Variants in GGPS1 observed in about 807,000 individuals in gnomAD.
GGPS1 encodes the protein geranylgeranyl pyrophosphate synthase.
GGPS1 carries 15 observed loss-of-function variants against 28.1 expected under a neutral mutation model. The ratio of observed to expected loss-of-function variants is 0.53; its 90% CI spans 0.36 to 0.82. The LOEUF (loss-of-function observed/expected upper bound fraction) is 0.82, where lower values mean the gene tolerates loss of function less well. Ranked by LOEUF, GGPS1 falls within the 40% of genes least tolerant of loss-of-function variation. The pLI is 0.01. For synonymous variants in GGPS1, 138 were observed against 122.4 expected, an observed-to-expected ratio of 1.13 and a Z score of -0.84; for missense variants, 284 against 348.3, an observed-to-expected ratio of 0.82 and a Z score of 1.47.
intron 1 of GGPS1, among the ~76,000 whole-genome samples, chr1:235,332,216 C>G (rs1675737881): frequency 6.6e-6 from 1 of 152,200 alleles, no homozygotes; most frequent in African/African-American, 2.4e-5. Context: ...CATCATCCAC[C>G]TCCTTCCCAC....
At chr1:235,341,401 C>T (rs1676043170) in intron 2 of GGPS1, among the ~76,000 whole-genome samples, 1 of 152,156 alleles carries the variant, frequency 6.6e-6, no homozygotes, top group South Asian at 2.1e-4. Context: ...AAAGCCCATC[C>T]TACTTTAAAA....
intron 2 of GGPS1, among the ~76,000 whole-genome samples, chr1:235,337,862 T>C (rs891919682): frequency 5.3e-5 from 8 of 151,996 alleles, no homozygotes; most frequent in African/African-American, 1.9e-4. Flanking sequence ...AAATTATTTT[T>C]ATTTTTAAAT....
intron 1 of GGPS1, among the ~76,000 whole-genome samples, chr1:235,334,615 C>CT: frequency 6.6e-6 from 1 of 152,334 alleles, no homozygotes; most frequent in South Asian, 2.1e-4. Flanking sequence ...AACCACTAAT[C>CT]TACTTTCTTT....
intron 1 of GGPS1, chr1:235,329,376 G>C (rs1384858291): frequency 6.6e-6 from 1 of 152,286 alleles, no homozygotes; most frequent in African/African-American, 2.4e-5. Flanking sequence ...TGCGCCTGGT[G>C]AGACGGACAG....
At chr1:235,340,197 T>C (rs114718090) in intron 2 of GGPS1, among the ~76,000 whole-genome samples, 6,989 of 152,206 alleles carry the variant, frequency 0.046, 531 homozygotes, top group African/African-American at 0.15. Flanking sequence ...TACTGTTGGG[T>C]GAAGTGACTC....
chr1:235,342,414 T>C lies in GGPS1; in HGVS notation c.545T>C (p.Leu182Pro). ...AAACCGCTACTTAATACACTTGGGC[T>C]CTTTTTCCAAATTAGGGATGATTAT... Reference protein sequence around the residue: ...DLKPLLNTLGLFFQIRDDYAN... With the variant: ...DLKPLLNTLGPFFQIRDDYAN... The change falls in exon 4 of 4, where the codon CTC becomes CCC. Residue 182 changes from leucine to proline, a missense_variant. Physicochemically the swap from Leu to Pro is moderately conservative, Grantham distance 98 (BLOSUM62 -3). Transcript: ENST00000282841. The C allele has an allele frequency of 5.0e-6, 8 of 1,613,860 alleles. No individual in the cohort carries two copies. Among genetic ancestry groups the C allele is most frequent in the Non-Finnish European group, 6.8e-6 (8 of 1,179,774 alleles).
chr1:235,338,488 A>C (rs1675932289), intron 2 of GGPS1, among the ~76,000 whole-genome samples: 1 of 152,242 alleles, frequency 6.6e-6, no homozygotes, highest in Non-Finnish European at 1.5e-5. Context: ...TAAGCCATAT[A>C]TTGTACTGTT....
At position 235,342,788 on chromosome 1, in the gene GGPS1, G is replaced by A; in HGVS notation, c.*16G>A. 1 of 1,506,596 alleles carries A rather than the reference G, an allele frequency of 6.6e-7. No homozygotes were observed. The highest frequency in any genetic ancestry group is 9.0e-7 in the Non-Finnish European group (1 of 1,111,982). 93.3% of individuals were successfully genotyped at this position (1,506,596 alleles called of 1,614,324 possible). ...AAATGAATAATGTTAAGCCATTCTT[G>A]ATTGGACCTCATAGCTTATTTTAGT... On this transcript the variant is annotated 3_prime_UTR_variant, in exon 4 of 4. Transcript: ENST00000282841.
upstream of GGPS1, chr1:235,328,247 CT>C (rs1211239172): frequency 2.0e-5 from 3 of 150,222 alleles, no homozygotes; most frequent in Non-Finnish European, 3.0e-5. Flanking sequence ...TTTTCCCCCC[CT>C]CCCCTACCTC....
chr1:235,337,993 CA>C (rs1675918012), intron 2 of GGPS1, among the ~76,000 whole-genome samples: 1 of 151,714 alleles, frequency 6.6e-6, no homozygotes, highest in Non-Finnish European at 1.5e-5. Flanking sequence ...AGAAGGGCTC[CA>C]AAAAGAGAGA....
At chr1:235,328,438 C>G (rs898568725), upstream of GGPS1, 2 of 152,120 alleles carry the variant, frequency 1.3e-5, no homozygotes, top group Non-Finnish European at 2.9e-5. Context: ...CTGGGGCCAA[C>G]GCGCAAATCC....
At chr1:235,341,536 G>A (rs546075533) in intron 2 of GGPS1, among the ~76,000 whole-genome samples, 172 bp from the exon 3 acceptor site, 19 of 152,166 alleles carry the variant, frequency 1.2e-4, no homozygotes, top group Non-Finnish European at 2.5e-4. Context: ...GAGTGGTTGA[G>A]AATGAGTTAT....
intron 2 of GGPS1, among the ~76,000 whole-genome samples, chr1:235,341,249 C>T (rs760171430): frequency 2.6e-5 from 4 of 152,084 alleles, no homozygotes; most frequent in Non-Finnish European, 4.4e-5. Context: ...ATCATGTGAA[C>T]CCAGGAGGTG....
Position 235,342,568 on chromosome 1 carries a change from C to T in GGPS1, c.699C>T (p.Ile233=). The T allele has an allele frequency of 6.2e-7, 1 of 1,610,586 alleles. No individual in the cohort carries two copies. Among genetic ancestry groups the T allele is most frequent in the South Asian group, 1.1e-5 (1 of 91,016 alleles). The change falls in exon 4 of 4, where the codon ATC becomes ATT. Residue 233 remains isoleucine, a synonymous_variant. Coordinates refer to ENST00000282841, the MANE Select transcript of GGPS1 (RefSeq NM_004837.4). ...SRPESTQVQN[I]LRQRTENIDI... is the part of the protein sequence containing the mutation. Reference sequence around the variant, plus strand: ...CTGAAAGCACCCAGGTGCAGAATATCTTGCGCCAGAGAACAGAAAACATAG... The same window carrying T: ...CTGAAAGCACCCAGGTGCAGAATATTTTGCGCCAGAGAACAGAAAACATAG...
chr1:235,335,123 T>A, intron 1 of GGPS1, 119 bp from the exon 2 acceptor site: 1 of 556,318 alleles, frequency 1.8e-6, no homozygotes, highest in Non-Finnish European at 3.2e-6. Context: ...CAACAGAATC[T>A]TCTTTTTAAA....
At chr1:235,333,157 G>A (rs962510113) in intron 1 of GGPS1, among the ~76,000 whole-genome samples, 4 of 150,846 alleles carry the variant, frequency 2.7e-5, no homozygotes, top group Admixed American at 1.3e-4. Flanking sequence ...GATGTGGTGT[G>A]ATACCATGTA....
intron 1 of GGPS1, among the ~76,000 whole-genome samples, chr1:235,334,197 TA>T (rs201810644): frequency 0.038 from 5,860 of 152,264 alleles, 417 homozygotes; most frequent in African/African-American, 0.13. Flanking sequence ...CTTTAAATTT[TA>T]AATACATAAA....
intron 1 of GGPS1, among the ~76,000 whole-genome samples, chr1:235,333,023 G>A (rs537875736): frequency 1.4e-5 from 2 of 142,648 alleles, no homozygotes; most frequent in African/African-American, 2.7e-5. Context: ...AGCCGAGATC[G>A]TGCCACTGCA....
Position 235,343,305 on chromosome 1 carries a change from C to G in GGPS1, c.*533C>G, listed in dbSNP as rs1411756639. 1 of 165,644 alleles carries G rather than the reference C, an allele frequency of 6.0e-6. No individual in the cohort carries two copies. The highest frequency in any genetic ancestry group is 2.4e-5 in the African/African-American group (1 of 41,440). 10.3% of individuals were successfully genotyped at this position (165,644 alleles called of 1,614,324 possible). On this transcript the variant is annotated 3_prime_UTR_variant, in exon 4 of 4. Coordinates refer to ENST00000282841, the MANE Select transcript of GGPS1 (RefSeq NM_004837.4). ...GCGCGGTGGCTCACGCCTGTAATCCCAGCACTTTGGGAGGCCGAGGCGGGC... is the reference window on the plus strand; with the variant it reads ...GCGCGGTGGCTCACGCCTGTAATCCGAGCACTTTGGGAGGCCGAGGCGGGC...
Sources: gnomAD v4.1 joint callset for allele counts (sites outside exome capture counted in the v4.1 genomes callset) on GRCh38, gnomAD v4.1.1 for gene constraint, MANE v1.5 for transcripts, NCBI Gene and HGNC (gene_info 2026-07-23, HGNC 2026-07-21) for gene names.